Variants in ZNF10 observed in about 807,000 individuals in gnomAD.
ZNF10 encodes zinc finger protein 10 (KOX 1).
A neutral mutation model predicts 12.2 loss-of-function variants in ZNF10; 8 were observed. The ratio of observed to expected loss-of-function variants is 0.66; its 90% CI spans 0.39 to 1.18. ZNF10 has a LOEUF of 1.18. Among genes scored for constraint, ZNF10 ranks in the 50% most tolerant of loss-of-function variants. The pLI is 0.01. For missense variants in ZNF10, 603 were observed against 678.9 expected (o/e 0.89, Z 1.24); for synonymous variants, 229 against 228.2 (o/e 1.00, Z -0.03).
In ZNF10 at chr12:133,139,300, T is replaced by C. The variant is rs542604879; in HGVS notation, c.-59-5134T>C. The C allele has an allele frequency of 3.9e-5, 6 of 152,342 alleles. No individual in the cohort carries two copies. In the South Asian group the frequency reaches 1.2e-3, roughly 32 times the overall value. The allele number at this position is 152,342 out of a possible 1,614,324, so 9.4% of individuals were successfully genotyped here. A position where few individuals can be genotyped will look rare whatever the true frequency, so the allele number is the denominator to read the frequency against. On this transcript the variant is annotated intron_variant, in intron 1 of 4. Coordinates refer to ENST00000248211, the MANE Select transcript of ZNF10 (RefSeq NM_015394.5). ...TTGATCTTGCAACATGGGTAAGGTT[T>C]TACCAAGAGACAAGAAAAGGAAGAA...
intron 2 of ZNF10, among the ~76,000 whole-genome samples, chr12:133,146,718 C>T (rs887298669): frequency 6.6e-5 from 10 of 151,792 alleles, no homozygotes; most frequent in East Asian, 1.9e-4. Flanking sequence ...CAGTGGCGGG[C>T]GCCTATAAAC....
At chr12:133,134,145 A>G (rs1378693722) in intron 1 of ZNF10, among the ~76,000 whole-genome samples, 2 of 103,372 alleles carry the variant, frequency 1.9e-5, no homozygotes, top group Non-Finnish European at 3.5e-5. Flanking sequence ...CTAAAAATAC[A>G]AAAAAAAAAA....
At chr12:133,133,349 C>T (rs1245776306) in intron 1 of ZNF10, among the ~76,000 whole-genome samples, 1 of 152,160 alleles carries the variant, frequency 6.6e-6, no homozygotes, top group Non-Finnish European at 1.5e-5. Context: ...AATGCGGTTC[C>T]TGACGAGGTT....
At chr12:133,136,437 A>G (rs7313979) in intron 1 of ZNF10, among the ~76,000 whole-genome samples, 8,083 of 152,156 alleles carry the variant, frequency 0.053, 719 homozygotes, top group African/African-American at 0.18. Flanking sequence ...ATCTAACTCT[A>G]TTTTGATCTA....
chr12:133,148,596 T>C (rs763722215), intron 2 of ZNF10, among the ~76,000 whole-genome samples: 1 of 152,222 alleles, frequency 6.6e-6, no homozygotes, highest in Non-Finnish European at 1.5e-5. Flanking sequence ...GTAATATCCC[T>C]CTTTATCTCT....
chr12:133,146,518 G>C (rs768738882), intron 2 of ZNF10, among the ~76,000 whole-genome samples: 1 of 152,118 alleles, frequency 6.6e-6, no homozygotes, highest in African/African-American at 2.4e-5. Flanking sequence ...ATTTTTGACA[G>C]ATGCATATAG....
intron 1 of ZNF10, among the ~76,000 whole-genome samples, chr12:133,137,929 C>T (rs1398416121): frequency 1.3e-5 from 2 of 151,990 alleles, no homozygotes; most frequent in Non-Finnish European, 2.9e-5. Context: ...TAAAAGGATC[C>T]TTTGTGATGG....
intron 4 of ZNF10, among the ~76,000 whole-genome samples, chr12:133,152,779 C>CT (rs200362326): frequency 0.012 from 1,886 of 152,272 alleles, 48 homozygotes; most frequent in African/African-American, 0.042. Flanking sequence ...GCATCTCAGA[C>CT]TTTGAGTGTG....
intron 1 of ZNF10, among the ~76,000 whole-genome samples, chr12:133,134,437 G>A (rs142719764): frequency 7.2e-4 from 110 of 152,338 alleles, no homozygotes; most frequent in Middle Eastern, 3.4e-3. Context: ...GAGCCAAGGA[G>A]TGTAGATGGT....
intron 2 of ZNF10, 187 bp from the exon 3 acceptor site, chr12:133,150,841 G>T (rs1956002782): frequency 4.0e-6 from 2 of 494,812 alleles, no homozygotes; most frequent in East Asian, 3.3e-5. Flanking sequence ...CAGACAGTAG[G>T]TACCTAATAG....
rs1333794727 is a variant in ZNF10 at position 133,156,879 on chromosome 12, T to C, written c.1633T>C (p.Leu545=). 1 of 1,518,924 alleles carries C rather than the reference T, an allele frequency of 6.6e-7. No individual in the cohort carries two copies. Among genetic ancestry groups the C allele is most frequent in the African/African-American group, 1.4e-5 (1 of 71,832 alleles). The allele number at this position is 1,518,924 out of a possible 1,614,324, so 94.1% of individuals were successfully genotyped here. The part of the protein sequence containing the change: ...HQIAHTGEQF[L]TCNQCGTALV... ...AATAGCTCACACTGGAGAGCAGTTC[T>C]TAACATGCAATCAATGTGGGACAGC... The change falls in exon 5 of 5, where the codon TTA becomes CTA. Residue 545 remains leucine (L), a synonymous_variant. Coordinates refer to ENST00000248211, the MANE Select transcript of ZNF10 (RefSeq NM_015394.5).
intron 2 of ZNF10, among the ~76,000 whole-genome samples, chr12:133,148,486 T>C (rs1036872628): frequency 6.6e-6 from 1 of 152,214 alleles, no homozygotes. Context: ...ACAAATATTT[T>C]CTCCTATGTT....
chr12:133,157,146 A>G lies in ZNF10; in HGVS notation c.*178A>G. On this transcript the variant is annotated 3_prime_UTR_variant, in exon 5 of 5. Coordinates refer to ENST00000248211, the MANE Select transcript of ZNF10 (RefSeq NM_015394.5). ...AACCACAGATTTTATTTCAGTACAC[A>G]AATCCATCAGATTTTCTTCTTTTCA... 1 of 503,606 alleles carries G rather than the reference A, an allele frequency of 2.0e-6. No homozygotes were observed. The highest frequency in any genetic ancestry group is 3.1e-6 in the Non-Finnish European group (1 of 324,220). The allele number at this position is 503,606 out of a possible 1,614,324, so 31.2% of individuals were successfully genotyped here.
intron 2 of ZNF10, among the ~76,000 whole-genome samples, chr12:133,146,709 A>G (rs1412487371): frequency 1.3e-5 from 2 of 151,964 alleles, no homozygotes; most frequent in Admixed American, 6.6e-5. Context: ...AGCTGGGCAC[A>G]GTGGCGGGCG....
intron 2 of ZNF10, among the ~76,000 whole-genome samples, chr12:133,147,572 T>G (rs1158420347): frequency 6.6e-6 from 1 of 151,900 alleles, no homozygotes; most frequent in Non-Finnish European, 1.5e-5. Flanking sequence ...TTTATTTTAG[T>G]CTTTTGCTCA....
intron 1 of ZNF10, among the ~76,000 whole-genome samples, chr12:133,141,412 A>C (rs1955943793): frequency 6.6e-6 from 1 of 152,218 alleles, no homozygotes; most frequent in African/African-American, 2.4e-5. Flanking sequence ...ATCCAAACTT[A>C]ACATAGATAT....
chr12:133,151,697 C>A, intron 3 of ZNF10, 112 bp from the exon 4 acceptor site: 2 of 644,952 alleles, frequency 3.1e-6, no homozygotes, highest in South Asian at 2.2e-5. Context: ...CTTTAGAGTC[C>A]CTGCCAGTCC....
chr12:133,146,940 C>T (rs1169286814), intron 2 of ZNF10, among the ~76,000 whole-genome samples: 2 of 152,182 alleles, frequency 1.3e-5, no homozygotes, highest in African/African-American at 4.8e-5. Context: ...CTAACTCCCC[C>T]TCCAGCCCCT....
intron 2 of ZNF10, chr12:133,145,072 C>T (rs1385881499): frequency 6.7e-6 from 2 of 298,142 alleles, no homozygotes; most frequent in Admixed American, 4.8e-5. Context: ...TTAGTAGAGA[C>T]GGGGTTTCAC....
Sources: allele counts gnomAD v4.1 joint callset (sites outside exome capture counted in the v4.1 genomes callset), GRCh38; gene constraint gnomAD v4.1.1; transcripts MANE v1.5; gene names NCBI Gene and HGNC (gene_info 2026-07-23, HGNC 2026-07-21).